MMP16: variants seen among roughly 807,000 people sequenced by gnomAD.
The protein encoded by MMP16 is matrix metallopeptidase 16.
A neutral mutation model predicts 67.8 loss-of-function variants in MMP16; 12 were observed. That is an observed-to-expected ratio of 0.18 (90% confidence interval 0.11 to 0.29). The LOEUF (loss-of-function observed/expected upper bound fraction) is 0.29. Among genes scored for constraint, MMP16 ranks in the 10% least tolerant of loss-of-function variants. The pLI, the probability that MMP16 is intolerant of heterozygous loss-of-function variation, is 1.00. For missense variants in MMP16, 475 were observed against 765.7 expected, an observed-to-expected ratio of 0.62 and a Z score of 4.48; for synonymous variants, 249 against 255.9, an observed-to-expected ratio of 0.97 and a Z score of 0.26.
chr8:88,157,986 A>G (rs889040227), intron 4 of MMP16, among the ~76,000 whole-genome samples: 7 of 152,116 alleles, frequency 4.6e-5, no homozygotes, highest in Non-Finnish European at 1.0e-4. Context: ...CCATGTCCCT[A>G]CAAAGGACAT....
intron 1 of MMP16, among the ~76,000 whole-genome samples, chr8:88,255,009 T>C (rs923362425): frequency 8.5e-5 from 13 of 152,286 alleles, no homozygotes; most frequent in Non-Finnish European, 1.8e-4. Flanking sequence ...AATCAAATTA[T>C]TATTTAAAAA....
chr8:88,206,956 A>T (rs1018388970), intron 1 of MMP16, among the ~76,000 whole-genome samples: 1 of 152,176 alleles, frequency 6.6e-6, no homozygotes, highest in African/African-American at 2.4e-5. Flanking sequence ...CATGGGTTTC[A>T]ATCCATTTAT....
At chr8:88,090,822 G>C (rs981784230) in intron 6 of MMP16, among the ~76,000 whole-genome samples, 1 of 151,730 alleles carries the variant, frequency 6.6e-6, no homozygotes, top group Non-Finnish European at 1.5e-5. Flanking sequence ...TTTGTGGTCT[G>C]GATATGTCTC....
intron 4 of MMP16, among the ~76,000 whole-genome samples, chr8:88,146,051 T>C (rs752152587): frequency 8.6e-5 from 13 of 152,002 alleles, no homozygotes; most frequent in Non-Finnish European, 1.2e-4. Context: ...ATCTTTCCCA[T>C]ATAGTTCTTT....
chr8:88,324,137 C>A (rs1811502595), intron 1 of MMP16, among the ~76,000 whole-genome samples: 1 of 152,140 alleles, frequency 6.6e-6, no homozygotes, highest in Admixed American at 6.5e-5. Context: ...TGAATCTCTT[C>A]CATAGTACTA....
chr8:88,187,721 C>A (rs914037428), intron 2 of MMP16, among the ~76,000 whole-genome samples: 3 of 152,242 alleles, frequency 2.0e-5, no homozygotes, highest in Admixed American at 1.3e-4. Flanking sequence ...TAACTTCCTG[C>A]ATCAGTGAAA....
chr8:88,093,595 G>GGTAAAA (rs780584695), intron 6 of MMP16, among the ~76,000 whole-genome samples: 7 of 151,728 alleles, frequency 4.6e-5, no homozygotes, highest in Non-Finnish European at 8.8e-5. Context: ...CCTTAATGTT[G>GGTAAAA]TTTGGTATCC....
intron 7 of MMP16, among the ~76,000 whole-genome samples, chr8:88,060,894 A>G (rs1358513068): frequency 6.6e-6 from 1 of 152,052 alleles, no homozygotes; most frequent in Non-Finnish European, 1.5e-5. Flanking sequence ...AAAATCTAAC[A>G]AAAGGCACAA....
intron 7 of MMP16, among the ~76,000 whole-genome samples, chr8:88,069,935 A>C (rs2118264072): frequency 6.6e-6 from 1 of 152,256 alleles, no homozygotes; most frequent in African/African-American, 2.4e-5. Flanking sequence ...AGATTTTGTA[A>C]CTTTGAGAGA....
chr8:88,326,022 A>G (rs1232165440), intron 1 of MMP16, among the ~76,000 whole-genome samples: 1 of 152,256 alleles, frequency 6.6e-6, no homozygotes, highest in Non-Finnish European at 1.5e-5. Flanking sequence ...AATGACAATA[A>G]GCTTCATAAT....
Position 88,186,291 on chromosome 8 carries a change from T to G in MMP16, c.404+185A>C, listed in dbSNP as rs1809071192. 3 of 547,072 alleles carry G rather than the reference T, an allele frequency of 5.5e-6. No individual in the cohort carries two copies. The African/African-American group carries it at 5.8e-5, about 11-fold the overall frequency. The allele number at this position is 547,072 out of a possible 1,614,324, so 33.9% of individuals were successfully genotyped here. On this transcript the variant is annotated intron_variant, in intron 3 of 9. Transcript: ENST00000286614. ...ACAAAAGAGCCCAAGTGTCTCAGAG[T>G]GTCTACATAGGGTGTCTAATGAACA...
chr8:88,135,941 G>A (rs191327338), intron 4 of MMP16, among the ~76,000 whole-genome samples: 46 of 151,732 alleles, frequency 3.0e-4, no homozygotes, highest in African/African-American at 1.0e-3. Context: ...TATATAAGTG[G>A]GTTAAACCAT....
At chr8:88,057,232 G>T (rs1808343549) in intron 7 of MMP16, among the ~76,000 whole-genome samples, 1 of 151,932 alleles carries the variant, frequency 6.6e-6, no homozygotes, top group South Asian at 2.1e-4. Context: ...TGGGCTTATT[G>T]TATTTTACTC....
intron 1 of MMP16, among the ~76,000 whole-genome samples, chr8:88,267,005 G>A (rs576816829): frequency 6.6e-6 from 1 of 152,236 alleles, no homozygotes; most frequent in East Asian, 1.9e-4. Context: ...GCATATAGAA[G>A]GAAGATGTTG....
intron 4 of MMP16, among the ~76,000 whole-genome samples, chr8:88,142,401 A>C (rs1030031228): frequency 6.6e-6 from 1 of 152,252 alleles, no homozygotes; most frequent in South Asian, 2.1e-4. Context: ...AATACACAAC[A>C]ATTGTACATA....
intron 1 of MMP16, among the ~76,000 whole-genome samples, chr8:88,310,687 G>A (rs1727186579): frequency 6.6e-6 from 1 of 152,134 alleles, no homozygotes; most frequent in Non-Finnish European, 1.5e-5. Context: ...AGACAGCTGT[G>A]AATCTATCAT....
intron 3 of MMP16, among the ~76,000 whole-genome samples, chr8:88,183,012 T>C (rs1809006487): frequency 6.6e-6 from 1 of 151,492 alleles, no homozygotes; most frequent in African/African-American, 2.4e-5. Flanking sequence ...GGCAAAACGA[T>C]GGAGACATTA....
At chr8:88,314,405 G>A (rs1811346155) in intron 1 of MMP16, among the ~76,000 whole-genome samples, 1 of 152,136 alleles carries the variant, frequency 6.6e-6, no homozygotes, top group Non-Finnish European at 1.5e-5. Context: ...TCGTATGCCT[G>A]ACAATTTTTT....
rs1431006071 is a variant in MMP16 at position 88,151,776 on chromosome 8, T to G, written c.709+15893A>C. Among the ~76,000 whole-genome samples the G allele has an allele frequency of 4.2e-4, 63 of 150,058 alleles. No individual in the cohort carries two copies. In the South Asian group the frequency reaches 0.012, roughly 28 times the overall value. ...AGAGAAAGCAGGAAAGATCCAAAAT[T>G]GACACCCTAACATCACAATTAAAAG... is the stretch of plus-strand genomic sequence containing the variant. On this transcript the variant is annotated intron_variant, in intron 4 of 9. Coordinates refer to ENST00000286614, the MANE Select transcript of MMP16 (RefSeq NM_005941.5).
Sources: gnomAD v4.1 joint callset for allele counts (sites outside exome capture counted in the v4.1 genomes callset) on GRCh38, gnomAD v4.1.1 for gene constraint, MANE v1.5 for transcripts, NCBI Gene and HGNC (gene_info 2026-07-23, HGNC 2026-07-21) for gene names.